Variants in ZNF385D observed in about 807,000 individuals in gnomAD.
The protein encoded by ZNF385D is zinc finger protein 659.
ZNF385D carries 15 observed loss-of-function variants against 35.8 expected under a neutral mutation model. That is an observed-to-expected ratio of 0.42 (90% CI 0.28 to 0.64). The LOEUF (loss-of-function observed/expected upper bound fraction) is 0.64. ZNF385D is among the 30% of genes least tolerant of loss of function. The pLI is 0.23. For synonymous variants in ZNF385D, 212 were observed against 186.8 expected (o/e 1.13, Z -1.10); for missense variants, 474 against 494.6 (o/e 0.96, Z 0.39).
intron 4 of ZNF385D, among the ~76,000 whole-genome samples, chr3:21,484,200 C>T (rs1704858333): frequency 6.6e-6 from 1 of 152,158 alleles, no homozygotes; most frequent in Non-Finnish European, 1.5e-5. Flanking sequence ...TTGTTGGACA[C>T]GGTTTGACCG....
At chr3:21,905,291 T>C (rs1048979383) in intron 3 of ZNF385D, among the ~76,000 whole-genome samples, 4 of 151,154 alleles carry the variant, frequency 2.6e-5, no homozygotes, top group South Asian at 2.1e-4. Flanking sequence ...CAACTTTTCA[T>C]AGCTGTCACT....
At chr3:21,623,022 A>G (rs967300767) in intron 2 of ZNF385D, among the ~76,000 whole-genome samples, 2 of 152,138 alleles carry the variant, frequency 1.3e-5, no homozygotes, top group South Asian at 2.1e-4. Context: ...CAAGTATTTA[A>G]ATAGTTAGAG....
chr3:22,294,085 T>A (rs1702444853), intron 2 of ZNF385D, among the ~76,000 whole-genome samples: 3 of 151,970 alleles, frequency 2.0e-5, no homozygotes. Context: ...GGAGGAGGAA[T>A]GTTGAATACA....
At chr3:21,453,985 T>C (rs1490159820) in intron 4 of ZNF385D, among the ~76,000 whole-genome samples, 1 of 152,078 alleles carries the variant, frequency 6.6e-6, no homozygotes, top group Admixed American at 6.6e-5. Flanking sequence ...TAAAATGTAG[T>C]ATTTCTATAA....
At chr3:21,567,417 T>C (rs1044464466) in intron 2 of ZNF385D, among the ~76,000 whole-genome samples, 12 of 152,116 alleles carry the variant, frequency 7.9e-5, no homozygotes, top group Admixed American at 3.9e-4. Flanking sequence ...AAATTAACAA[T>C]GCACAGAGCT....
chr3:21,587,809 C>G (rs1327271523), intron 2 of ZNF385D, among the ~76,000 whole-genome samples: 1 of 151,850 alleles, frequency 6.6e-6, no homozygotes, highest in Non-Finnish European at 1.5e-5. Context: ...AAAAAAGATC[C>G]AACAAAGGAG....
intron 2 of ZNF385D, among the ~76,000 whole-genome samples, chr3:22,224,948 A>C (rs1172860638): frequency 1.3e-5 from 2 of 152,162 alleles, no homozygotes; most frequent in Non-Finnish European, 2.9e-5. Context: ...CTCATGAATA[A>C]AACATATAAT....
chr3:21,583,959 CTTATTTAT>C (rs56661908), intron 2 of ZNF385D, among the ~76,000 whole-genome samples: 45 of 138,304 alleles, frequency 3.3e-4, no homozygotes, highest in Non-Finnish European at 5.5e-4. Flanking sequence ...TACTTATTTA[CTTATTTAT>C]TTATTTATTT....
At chr3:21,960,871 A>G (rs751838738) in intron 3 of ZNF385D, among the ~76,000 whole-genome samples, 2 of 152,138 alleles carry the variant, frequency 1.3e-5, no homozygotes, top group African/African-American at 4.8e-5. Context: ...GGGAGCTAAA[A>G]AATACTGAGC....
At chr3:22,336,095 T>C (rs28627292) in intron 2 of ZNF385D, among the ~76,000 whole-genome samples, 42,426 of 152,002 alleles carry the variant, frequency 0.28, 6,166 homozygotes, top group African/African-American at 0.32. Flanking sequence ...ATCTGAAAGA[T>C]TGGGACTAAT....
intron 1 of ZNF385D, among the ~76,000 whole-genome samples, chr3:21,717,205 G>C (rs541902010): frequency 6.6e-6 from 1 of 152,244 alleles, no homozygotes; most frequent in Admixed American, 6.5e-5. Context: ...TTCTGAGTAG[G>C]CACTGACTGA....
chr3:21,596,237 G>A (rs550102098), intron 2 of ZNF385D, among the ~76,000 whole-genome samples: 1 of 152,282 alleles, frequency 6.6e-6, no homozygotes, highest in East Asian at 1.9e-4. Context: ...TGAGTCAGAA[G>A]CAATTAGTGC....
At chr3:21,428,562 G>A (rs552479280) in intron 5 of ZNF385D, among the ~76,000 whole-genome samples, 20 of 151,464 alleles carry the variant, frequency 1.3e-4, no homozygotes, top group Non-Finnish European at 2.5e-4. Flanking sequence ...TTCCATCCCC[G>A]CACCCCCACC....
intron 3 of ZNF385D, among the ~76,000 whole-genome samples, chr3:21,878,322 T>C (rs972004404): frequency 1.3e-5 from 2 of 151,994 alleles, no homozygotes; most frequent in African/African-American, 4.8e-5. Flanking sequence ...AGATATTGTC[T>C]CATGAACTCA....
At chr3:21,899,326 C>G (rs1699289314) in intron 3 of ZNF385D, among the ~76,000 whole-genome samples, 1 of 152,126 alleles carries the variant, frequency 6.6e-6, no homozygotes, top group South Asian at 2.1e-4. Context: ...TAAATAAAAT[C>G]AAGATTCCTT....
chr3:21,672,099 T>C (rs995332917), intron 1 of ZNF385D, among the ~76,000 whole-genome samples: 4 of 152,096 alleles, frequency 2.6e-5, no homozygotes, highest in African/African-American at 9.7e-5. Context: ...TCCAGGAAAA[T>C]TGTATGTTTA....
At chr3:22,201,619 G>A in intron 2 of ZNF385D, among the ~76,000 whole-genome samples, 1 of 151,922 alleles carries the variant, frequency 6.6e-6, no homozygotes, top group East Asian at 1.9e-4. Flanking sequence ...CCAAAACATT[G>A]CCTTGAGATG....
intron 3 of ZNF385D, among the ~76,000 whole-genome samples, chr3:21,974,826 A>G (rs1294369250): frequency 6.6e-6 from 1 of 152,188 alleles, no homozygotes; most frequent in African/African-American, 2.4e-5. Flanking sequence ...TGTGCACAAC[A>G]TCACTGATCA....
chr3:21,473,707 T>C (rs1704047077), intron 4 of ZNF385D, among the ~76,000 whole-genome samples: 1 of 152,112 alleles, frequency 6.6e-6, no homozygotes, highest in Admixed American at 6.6e-5. Flanking sequence ...TTTTTTCTTG[T>C]CTCAAGCTCT....
Sources: gnomAD v4.1 joint callset for allele counts (sites outside exome capture counted in the v4.1 genomes callset) on GRCh38, gnomAD v4.1.1 for gene constraint, MANE v1.5 for transcripts, NCBI Gene and HGNC (gene_info 2026-07-23, HGNC 2026-07-21) for gene names.